KLHL29: variants seen among roughly 807,000 people sequenced by gnomAD.
KLHL29 encodes the protein kelch like family member 29.
Under a neutral mutation model 80.4 loss-of-function variants are expected in KLHL29, and 21 were observed. That is an observed-to-expected ratio of 0.26 (90% CI 0.19 to 0.38). KLHL29 has a LOEUF of 0.38. Among genes scored for constraint, KLHL29 ranks in the 10% least tolerant of loss-of-function variants. The pLI is 1.00. For synonymous variants in KLHL29, 511 were observed against 526.8 expected (o/e 0.97, Z 0.41); for missense variants, 867 against 1,223.9 (o/e 0.71, Z 4.35).
At chr2:23,686,657 G>A (rs752328914) in intron 6 of KLHL29, among the ~76,000 whole-genome samples, 19 of 152,130 alleles carry the variant, frequency 1.2e-4, no homozygotes, top group Non-Finnish European at 2.8e-4. Flanking sequence ...GGGAGAGCTG[G>A]GGAGATGAGC....
intron 3 of KLHL29, chr2:23,617,808 A>AT (rs914807245): frequency 6.6e-6 from 1 of 152,164 alleles, no homozygotes; most frequent in Non-Finnish European, 1.5e-5. Context: ...TTTTGAATCT[A>AT]TTTTTTTAGG....
At chr2:23,611,913 G>A (rs2103530447) in intron 3 of KLHL29, among the ~76,000 whole-genome samples, 1 of 147,606 alleles carries the variant, frequency 6.8e-6, no homozygotes, top group South Asian at 2.1e-4. Flanking sequence ...TGAACTGAAA[G>A]ATTGATTAGA....
intron 5 of KLHL29, among the ~76,000 whole-genome samples, chr2:23,664,505 T>G (rs895397549): frequency 3.3e-5 from 5 of 152,240 alleles, no homozygotes; most frequent in Admixed American, 6.5e-5. Flanking sequence ...GTCTCAACTC[T>G]AGATCCTGGG....
chr2:23,560,178 A>G (rs1417135151), intron 2 of KLHL29, among the ~76,000 whole-genome samples: 1 of 151,982 alleles, frequency 6.6e-6, no homozygotes, highest in East Asian at 1.9e-4. Context: ...AGACAATGCC[A>G]TCAAGAAGTT....
At position 23,421,614 on chromosome 2, in the gene KLHL29, T is replaced by A. The variant is rs571414116; in HGVS notation, c.-154+35834T>A. The stretch of plus-strand genomic sequence containing the variant: ...TCTGTGTCGGCATGTCTGCTTTGTG[T>A]GTCTGAGTGTGTGTTCATGTGCCTG... On this transcript the variant is annotated intron_variant, in intron 1 of 13. Coordinates refer to ENST00000486442, the MANE Select transcript of KLHL29 (RefSeq NM_052920.2). Among the ~76,000 whole-genome samples the A allele has an allele frequency of 7.2e-4, 108 of 150,482 alleles. 1 individual carries two copies. The highest frequency in any genetic ancestry group is 2.6e-3 in the African/African-American group (107 of 40,942).
intron 2 of KLHL29, among the ~76,000 whole-genome samples, chr2:23,516,782 G>A (rs943705015): frequency 2.0e-5 from 3 of 152,262 alleles, no homozygotes; most frequent in Non-Finnish European, 4.4e-5. Context: ...CTGGCACTGG[G>A]GAGGCCACAG....
intron 1 of KLHL29, among the ~76,000 whole-genome samples, chr2:23,392,048 T>A (rs1666334439): frequency 6.6e-6 from 1 of 152,214 alleles, no homozygotes; most frequent in African/African-American, 2.4e-5. Flanking sequence ...CCAGCCTCAG[T>A]TTTCTTTTAT....
chr2:23,468,592 C>T (rs939667132), intron 1 of KLHL29, among the ~76,000 whole-genome samples: 2 of 152,196 alleles, frequency 1.3e-5, no homozygotes, highest in African/African-American at 2.4e-5. Flanking sequence ...ACCAGACTGG[C>T]TCATTCCAGA....
chr2:23,569,475 G>C (rs1488449390), intron 3 of KLHL29, among the ~76,000 whole-genome samples: 1 of 152,098 alleles, frequency 6.6e-6, no homozygotes, highest in Non-Finnish European at 1.5e-5. Flanking sequence ...CAGTTCTAAT[G>C]GTTTTCCCTG....
intron 1 of KLHL29, among the ~76,000 whole-genome samples, chr2:23,442,709 A>G (rs1663564303): frequency 6.6e-6 from 1 of 152,172 alleles, no homozygotes; most frequent in Non-Finnish European, 1.5e-5. Flanking sequence ...GTAATTTGTT[A>G]CAGCAGCGAG....
At chr2:23,582,991 G>A (rs1572416522) in intron 3 of KLHL29, among the ~76,000 whole-genome samples, 1 of 152,188 alleles carries the variant, frequency 6.6e-6, no homozygotes, top group East Asian at 1.9e-4. Context: ...GAACAGAGAA[G>A]GAGATTTGAC....
intron 4 of KLHL29, among the ~76,000 whole-genome samples, chr2:23,640,714 TG>T (rs1669743788): frequency 6.6e-6 from 1 of 152,254 alleles, no homozygotes. Flanking sequence ...TGCCCTGTTC[TG>T]TGCATCATCA....
chr2:23,585,770 G>A (rs1196470666), intron 3 of KLHL29, among the ~76,000 whole-genome samples: 1 of 152,168 alleles, frequency 6.6e-6, no homozygotes, highest in Non-Finnish European at 1.5e-5. Context: ...TCCAAGGGGT[G>A]ATAGGAAGGA....
At chr2:23,393,665 G>C (rs1001228388) in intron 1 of KLHL29, among the ~76,000 whole-genome samples, 2 of 152,094 alleles carry the variant, frequency 1.3e-5, no homozygotes, top group African/African-American at 4.8e-5. Flanking sequence ...TCTCGAGATG[G>C]GTGTGAATAG....
At chr2:23,574,897 C>G (rs1667805280) in intron 3 of KLHL29, among the ~76,000 whole-genome samples, 1 of 152,092 alleles carries the variant, frequency 6.6e-6, no homozygotes, top group African/African-American at 2.4e-5. Flanking sequence ...GATGATGGGT[C>G]TTCATGCAGA....
intron 3 of KLHL29, among the ~76,000 whole-genome samples, chr2:23,569,647 C>CTA (rs781266730): frequency 6.6e-6 from 1 of 152,162 alleles, no homozygotes; most frequent in Non-Finnish European, 1.5e-5. Context: ...GTTCCAAAAT[C>CTA]TAAACAGCCA....
chr2:23,433,996 TGG>T (rs1393603526), intron 1 of KLHL29, among the ~76,000 whole-genome samples: 1 of 152,030 alleles, frequency 6.6e-6, no homozygotes, highest in African/African-American at 2.4e-5. Flanking sequence ...TATGTGTCTG[TGG>T]GTGTGTGCAA....
intron 2 of KLHL29, among the ~76,000 whole-genome samples, chr2:23,540,801 G>A (rs188291024): frequency 3.3e-5 from 5 of 152,326 alleles, no homozygotes; most frequent in Admixed American, 1.3e-4. Flanking sequence ...CCTACAGACC[G>A]TCCCCTCCCC....
At chr2:23,537,733 T>C (rs1666716385) in intron 2 of KLHL29, among the ~76,000 whole-genome samples, 1 of 152,112 alleles carries the variant, frequency 6.6e-6, no homozygotes, top group Non-Finnish European at 1.5e-5. Flanking sequence ...TGCAAGAAGC[T>C]GCATGTCGGG....
Sources: allele counts gnomAD v4.1 joint callset (sites outside exome capture counted in the v4.1 genomes callset), GRCh38; gene constraint gnomAD v4.1.1; transcripts MANE v1.5; gene names NCBI Gene and HGNC (gene_info 2026-07-23, HGNC 2026-07-21).